The following PRKCE variants were observed in gnomAD, a reference collection of about 807,000 sequenced individuals.
PRKCE encodes protein kinase C epsilon.
PRKCE carries 16 observed loss-of-function variants against 85.4 expected under a neutral mutation model. The ratio of observed to expected loss-of-function variants is 0.19; its 90% CI spans 0.13 to 0.28. The LOEUF (loss-of-function observed/expected upper bound fraction) is 0.28, where lower values mean the gene tolerates loss of function less well. Among genes scored for constraint, PRKCE ranks in the 10% least tolerant of loss-of-function variants. PRKCE has a pLI of 1.00. For synonymous variants in PRKCE, 388 were observed against 371.5 expected (o/e 1.04, Z -0.51); for missense variants, 573 against 975.2 (o/e 0.59, Z 5.49).
chr2:45,883,903 T>G (rs928303098), intron 2 of PRKCE, among the ~76,000 whole-genome samples: 25 of 152,108 alleles, frequency 1.6e-4, no homozygotes, highest in Non-Finnish European at 1.0e-4. Context: ...CCTTGGAGCT[T>G]GCTTCCCACG....
At chr2:45,967,908 T>C (rs987691086) in intron 2 of PRKCE, among the ~76,000 whole-genome samples, 58 of 152,092 alleles carry the variant, frequency 3.8e-4, no homozygotes, top group African/African-American at 1.4e-3. Context: ...CATTCAACCA[T>C]ACTGGCAGAA....
At chr2:45,852,510 A>G (rs1692353452) in intron 2 of PRKCE, among the ~76,000 whole-genome samples, 1 of 152,168 alleles carries the variant, frequency 6.6e-6, no homozygotes, top group South Asian at 2.1e-4. Context: ...AGCTAAACAA[A>G]CAAAGATGAA....
intron 2 of PRKCE, among the ~76,000 whole-genome samples, chr2:45,904,369 T>C (rs1422888006): frequency 6.6e-6 from 1 of 151,962 alleles, no homozygotes; most frequent in African/African-American, 2.4e-5. Flanking sequence ...CACGTGCCCA[T>C]CCAGGGCAAA....
chr2:45,741,957 C>T (rs562760835), intron 1 of PRKCE, among the ~76,000 whole-genome samples: 3 of 152,264 alleles, frequency 2.0e-5, no homozygotes, highest in South Asian at 4.1e-4. Flanking sequence ...GACTGTGTGT[C>T]CTATGCTGCA....
At chr2:45,859,440 A>G (rs1288240749) in intron 2 of PRKCE, among the ~76,000 whole-genome samples, 3 of 152,200 alleles carry the variant, frequency 2.0e-5, no homozygotes, top group African/African-American at 7.2e-5. Context: ...GCCACCAGAC[A>G]TGTTTGCAAT....
chr2:45,853,845 G>A (rs1192668525), intron 2 of PRKCE, among the ~76,000 whole-genome samples: 2 of 152,116 alleles, frequency 1.3e-5, no homozygotes, highest in Non-Finnish European at 2.9e-5. Flanking sequence ...ACTTACTAGG[G>A]ACTTTCCAAT....
At chr2:46,009,709 C>A (rs138214779) in intron 9 of PRKCE, among the ~76,000 whole-genome samples, 12 of 152,246 alleles carry the variant, frequency 7.9e-5, no homozygotes, top group African/African-American at 2.6e-4. Context: ...ATACTCAATG[C>A]AACTTATATA....
At chr2:45,856,094 A>G (rs965890680) in intron 2 of PRKCE, among the ~76,000 whole-genome samples, 2 of 152,176 alleles carry the variant, frequency 1.3e-5, no homozygotes, top group African/African-American at 4.8e-5. Flanking sequence ...TATAATCGAT[A>G]CATAATAATT....
At position 45,888,303 on chromosome 2, in the gene PRKCE, A is replaced by G. The variant is rs74976744; in HGVS notation, c.412+45240A>G. Among the ~76,000 whole-genome samples, 31 of 152,250 alleles carry G rather than the reference A, an allele frequency of 2.0e-4. No homozygotes were observed. The East Asian group carries it at 5.8e-3, about 28-fold the overall frequency. On this transcript the variant is annotated intron_variant, in intron 2 of 14. Transcript: ENST00000306156. ...TCACTGTGTATTATTTGGGGAAACA[A>G]TATGTTAAGAAGCTGTCTTAATTGC...
At chr2:45,722,920 G>C (rs1680740491) in intron 1 of PRKCE, among the ~76,000 whole-genome samples, 1 of 152,200 alleles carries the variant, frequency 6.6e-6, no homozygotes, top group African/African-American at 2.4e-5. Flanking sequence ...GGCTAACATA[G>C]TGAAATCCTG....
chr2:46,017,310 A>AC (rs1706252549), intron 10 of PRKCE, among the ~76,000 whole-genome samples: 1 of 152,308 alleles, frequency 6.6e-6, no homozygotes, highest in Admixed American at 6.5e-5. Flanking sequence ...TCATACAATA[A>AC]TGTCTTTCTG....
chr2:46,174,661 C>T (rs1198349450), intron 14 of PRKCE, among the ~76,000 whole-genome samples: 1 of 152,064 alleles, frequency 6.6e-6, no homozygotes, highest in African/African-American at 2.4e-5. Flanking sequence ...ACACATGCCC[C>T]ACTCATTAGA....
At chr2:45,989,212 C>T (rs531953509) in intron 6 of PRKCE, among the ~76,000 whole-genome samples, 51 of 152,296 alleles carry the variant, frequency 3.3e-4, no homozygotes, top group African/African-American at 1.0e-3. Flanking sequence ...GGACAGGGGA[C>T]GAGGCACAGG....
intron 1 of PRKCE, among the ~76,000 whole-genome samples, chr2:45,779,978 C>T (rs1338692489): frequency 6.6e-6 from 1 of 152,230 alleles, no homozygotes. Context: ...CCCTACCTCA[C>T]TCCATAGGTT....
chr2:45,858,851 G>A (rs1341766238), intron 2 of PRKCE, among the ~76,000 whole-genome samples: 2 of 151,888 alleles, frequency 1.3e-5, no homozygotes, highest in Non-Finnish European at 2.9e-5. Context: ...GACCAGCCTG[G>A]CCAACATGGT....
At chr2:45,740,696 A>G (rs905304802) in intron 1 of PRKCE, among the ~76,000 whole-genome samples, 19 of 152,112 alleles carry the variant, frequency 1.2e-4, no homozygotes, top group Admixed American at 1.3e-4. Context: ...TCTCATTACA[A>G]TCTGAGCATT....
intron 1 of PRKCE, among the ~76,000 whole-genome samples, chr2:45,808,099 T>C (rs531245104): frequency 3.9e-5 from 6 of 152,194 alleles, no homozygotes; most frequent in Non-Finnish European, 7.4e-5. Flanking sequence ...TCTCTGACCA[T>C]CTGTAACCCT....
intron 11 of PRKCE, among the ~76,000 whole-genome samples, chr2:46,116,842 G>C (rs535728718): frequency 2.1e-4 from 32 of 152,298 alleles, no homozygotes; most frequent in African/African-American, 7.5e-4. Context: ...GTAGCACTGA[G>C]AGTGTACTGC....
chr2:46,177,589 C>T (rs1365504654), intron 14 of PRKCE, among the ~76,000 whole-genome samples: 1 of 152,170 alleles, frequency 6.6e-6, no homozygotes, highest in African/African-American at 2.4e-5. Flanking sequence ...TCCAATTTCC[C>T]CTCTTATAAG....
Sources: allele counts gnomAD v4.1 joint callset (sites outside exome capture counted in the v4.1 genomes callset), GRCh38; gene constraint gnomAD v4.1.1; transcripts MANE v1.5; gene names NCBI Gene and HGNC (gene_info 2026-07-23, HGNC 2026-07-21).